The following HDDC2 variants were observed in gnomAD, a reference collection of about 807,000 sequenced individuals.
HDDC2 encodes 5'-deoxynucleotidase HDDC2.
HDDC2 carries 25 observed loss-of-function variants against 25.5 expected under a neutral mutation model. The observed-to-expected ratio is 0.98, with a 90% CI of 0.72 to 1.37. The LOEUF (loss-of-function observed/expected upper bound fraction) is 1.37, where lower values mean the gene tolerates loss of function less well. Among genes scored for constraint, HDDC2 ranks in the 40% most tolerant of loss-of-function variants. The pLI, the probability that HDDC2 is intolerant of heterozygous loss-of-function variation, is 0.00. For missense variants in HDDC2, 264 were observed against 253.1 expected, an observed-to-expected ratio of 1.04 and a Z score of -0.29; for synonymous variants, 106 against 89.7, an observed-to-expected ratio of 1.18 and a Z score of -1.03.
At chr6:125,288,238 A>G (rs749865281) in intron 4 of HDDC2, among the ~76,000 whole-genome samples, 8 of 152,184 alleles carry the variant, frequency 5.3e-5, no homozygotes, top group Non-Finnish European at 1.2e-4. Context: ...AGATGCTTGA[A>G]GAGAGGGCTG....
At chr6:125,293,996 G>GTCTTATC (rs1798667884) in intron 3 of HDDC2, among the ~76,000 whole-genome samples, 1 of 152,180 alleles carries the variant, frequency 6.6e-6, no homozygotes, top group African/African-American at 2.4e-5. Context: ...GATCCCAGGA[G>GTCTTATC]CTACCCTTAT....
chr6:125,298,808 C>G lies in HDDC2; in HGVS notation c.215G>C (p.Arg72Pro). The change falls in exon 3 of 6, where the codon CGC (arginine) becomes CCC (proline). Residue 72 changes from arginine (R) to proline (P), a missense_variant. By Grantham distance (103) the Arg-to-Pro change is moderately radical (BLOSUM62 -2). Transcript: ENST00000398153. ...DDRLNKDRCV[R>P]LALVHDMAEC... ...TGCCATATCATGAACCAGGGCTAGG[C>G]GTACACATCTGATCAGGCAAGAAAT... 2 of 1,612,572 alleles carry G rather than the reference C, an allele frequency of 1.2e-6. No individual in the cohort carries two copies. The highest frequency in any genetic ancestry group is 1.7e-6 in the Non-Finnish European group (2 of 1,178,740).
chr6:125,285,526 G>A (rs1429330685), intron 4 of HDDC2, among the ~76,000 whole-genome samples: 3 of 151,944 alleles, frequency 2.0e-5, no homozygotes, highest in Admixed American at 6.6e-5. Flanking sequence ...AAGAGTTTGA[G>A]ATAAGGTGAC....
At chr6:125,290,592 C>T (rs112241150) in intron 4 of HDDC2, among the ~76,000 whole-genome samples, 16 of 152,058 alleles carry the variant, frequency 1.1e-4, no homozygotes, top group Admixed American at 2.6e-4. Context: ...TTGATGAGAG[C>T]GGACCCTTAT....
At chr6:125,301,484 A>ACACACGCGCG (rs1798803676) in intron 1 of HDDC2, among the ~76,000 whole-genome samples, 1 of 132,806 alleles carries the variant, frequency 7.5e-6, no homozygotes, top group Non-Finnish European at 1.6e-5. Context: ...GGTCGTGAGC[A>ACACACGCGCG]CACACACACA....
At chr6:125,276,917 C>T in intron 5 of HDDC2, 185 bp downstream of exon 5, 1 of 609,164 alleles carries the variant, frequency 1.6e-6, no homozygotes, top group East Asian at 2.8e-5. Flanking sequence ...CCACATTAAA[C>T]TCTATTCCAT....
chr6:125,277,534 C>T (rs977422682), intron 4 of HDDC2: 7 of 289,396 alleles, frequency 2.4e-5, no homozygotes, highest in Non-Finnish European at 2.5e-5. Flanking sequence ...TGTTTAATAC[C>T]GTGTCTTCAT....
chr6:125,293,668 G>A (rs1389044235), intron 3 of HDDC2, among the ~76,000 whole-genome samples: 3 of 152,150 alleles, frequency 2.0e-5, no homozygotes, highest in Non-Finnish European at 4.4e-5. Context: ...AATTTTCCCT[G>A]TAGTTCTTCT....
chr6:125,299,584 C>G (rs771012664), intron 2 of HDDC2, among the ~76,000 whole-genome samples: 3 of 152,154 alleles, frequency 2.0e-5, no homozygotes, highest in Non-Finnish European at 4.4e-5. Flanking sequence ...GTACAAGGCC[C>G]AACAGTGTCC....
chr6:125,300,587 T>C lies in HDDC2; in HGVS notation c.157A>G (p.Met53Val). The C allele has an allele frequency of 6.2e-7, 1 of 1,614,196 alleles. No homozygotes were observed. Among genetic ancestry groups the C allele is most frequent in the Non-Finnish European group, 8.5e-7 (1 of 1,180,022 alleles). ...TTGATCACCATAGCCATAACTGCCA[T>C]CCGGTACATGTGATCTGAAACGCTC... ...PESVSDHMYR[M>V]AVMAMVIKDD... Residue 53 changes from methionine to valine, a missense_variant, in exon 2 of 6, where the codon ATG becomes GTG. Transcript: ENST00000398153.
chr6:125,282,347 CAAAAAAA>C lies in HDDC2; in HGVS notation c.379-5114_379-5108del, dbSNP rs372177911. Reference sequence around the variant, plus strand: ...GGCCAATAACAGCCAGACTCCATCTCAAAAAAAAAAAAAGAAAAAAGAAAAAAGAAAA... The same window carrying C: ...GGCCAATAACAGCCAGACTCCATCTCAAAAAAGAAAAAAGAAAAAAGAAAA... On this transcript the variant is annotated intron_variant, in intron 4 of 5. Coordinates refer to ENST00000398153, the MANE Select transcript of HDDC2 (RefSeq NM_016063.3). Among the ~76,000 whole-genome samples the C allele has an allele frequency of 3.6e-5, 4 of 112,568 alleles. No homozygotes were observed. The South Asian group carries it at 8.5e-4, about 24-fold the overall frequency. 73.8% of individuals were successfully genotyped at this position (112,568 alleles called of 152,430 possible). A position where few individuals can be genotyped will look rare whatever the true frequency, so the allele number is the denominator to read the frequency against.
intron 1 of HDDC2, among the ~76,000 whole-genome samples, chr6:125,301,484 A>ACACACACGCG (rs201300858): frequency 0.13 from 17,722 of 132,712 alleles, 1,570 homozygotes; most frequent in African/African-American, 0.26. Context: ...GGTCGTGAGC[A>ACACACACGCG]CACACACACA....
chr6:125,293,057 C>T, intron 3 of HDDC2, 148 bp from the exon 4 acceptor site: 1 of 719,126 alleles, frequency 1.4e-6, no homozygotes, highest in Non-Finnish European at 2.5e-6. Flanking sequence ...ATATTTATAG[C>T]TTGTGAGGAA....
At chr6:125,282,874 T>C (rs1445694032) in intron 4 of HDDC2, among the ~76,000 whole-genome samples, 1 of 152,130 alleles carries the variant, frequency 6.6e-6, no homozygotes, top group Non-Finnish European at 1.5e-5. Context: ...TAGTCTCTGA[T>C]AAAACAGACT....
At chr6:125,276,328 C>T in intron 5 of HDDC2, 85 bp from the exon 6 acceptor site, 1 of 983,912 alleles carries the variant, frequency 1.0e-6, no homozygotes, top group Admixed American at 1.8e-5. Context: ...CCAGGGTTCA[C>T]TGGGGGCTCT....
chr6:125,283,250 C>T lies in HDDC2; in HGVS notation c.379-6010G>A, dbSNP rs539820162. The stretch of plus-strand genomic sequence containing the variant: ...AGCTGGAATCATTCCCTTTGAAAAC[C>T]GGCACAAGACAAGGATGCCCTCTCT... On this transcript the variant is annotated intron_variant, in intron 4 of 5. Coordinates refer to ENST00000398153, the MANE Select transcript of HDDC2 (RefSeq NM_016063.3). Among the ~76,000 whole-genome samples, 206 of 152,208 alleles carry T rather than the reference C, an allele frequency of 1.4e-3. 2 individuals are homozygous for T. Among genetic ancestry groups the T allele is most frequent in the South Asian group, 3.3e-3 (16 of 4,820 alleles).
chr6:125,276,362 C>T, intron 5 of HDDC2, 119 bp from the exon 6 acceptor site: 1 of 713,244 alleles, frequency 1.4e-6, no homozygotes, highest in Non-Finnish European at 2.4e-6. Context: ...ACCCACACTT[C>T]ATTCCAAAGC....
At chr6:125,292,743 G>A (rs1798649479) in intron 4 of HDDC2, 98 bp downstream of exon 4, 2 of 908,832 alleles carry the variant, frequency 2.2e-6, no homozygotes, top group Non-Finnish European at 3.7e-6. Context: ...TAATAAGTTA[G>A]GGACCGCTTG....
At chr6:125,285,872 A>T (rs1296865784) in intron 4 of HDDC2, among the ~76,000 whole-genome samples, 1 of 152,332 alleles carries the variant, frequency 6.6e-6, no homozygotes, top group East Asian at 1.9e-4. Flanking sequence ...AGTCAACTGG[A>T]GATACAGTTG....
Sources: gnomAD v4.1 joint callset for allele counts (sites outside exome capture counted in the v4.1 genomes callset) on GRCh38, gnomAD v4.1.1 for gene constraint, MANE v1.5 for transcripts, NCBI Gene and HGNC (gene_info 2026-07-23, HGNC 2026-07-21) for gene names.